JAML: variants seen among roughly 807,000 people sequenced by gnomAD.
JAML encodes the protein junctional adhesion molecule-like.
In JAML, 25 loss-of-function variants were observed where a neutral mutation model predicts 39.3. The observed-to-expected ratio is 0.64, with a 90% CI of 0.46 to 0.89. The LOEUF (loss-of-function observed/expected upper bound fraction) is 0.89, where lower values mean the gene tolerates loss of function less well. JAML is among the 40% of genes least tolerant of loss of function. The probability of loss-of-function intolerance (pLI) is 0.00; values close to 1 mark genes in which losing one functional copy is unlikely to be tolerated. For missense variants in JAML, 440 were observed against 486.9 expected (o/e 0.90, Z 0.91); for synonymous variants, 162 against 179.2 (o/e 0.90, Z 0.77).
At position 118,203,427 on chromosome 11, in the gene JAML, CT is replaced by C; in HGVS notation, c.772del (p.Thr258HisfsTer3). On this transcript the variant is annotated frameshift_variant and splice_region_variant, in exon 6 of 10. Transcript: ENST00000356289. LOFTEE classifies it high-confidence loss of function. ...VLHVSPEEPR[T>X]LVTPAALRPL... ...ATGCTCCCCAGCCAAATGTTAGATACTTCGAGGCTCTTCCGGGCTGACATGC... is the reference window on the plus strand; with the variant it reads ...ATGCTCCCCAGCCAAATGTTAGATACTCGAGGCTCTTCCGGGCTGACATGC... 6.2e-7 allele frequency: 1 copy of C among 1,613,630 alleles called. No homozygotes were observed. The highest frequency in any genetic ancestry group is 8.5e-7 in the Non-Finnish European group (1 of 1,179,612).
At chr11:118,196,880 G>A in intron 8 of JAML, 59 bp from the exon 9 acceptor site, 1 of 1,425,490 alleles carries the variant, frequency 7.0e-7, no homozygotes, top group Non-Finnish European at 9.9e-7. Flanking sequence ...ATACACCAGA[G>A]AAAAGGCCAC....
At chr11:118,198,174 C>A in intron 7 of JAML, 83 bp from the exon 8 acceptor site, 2 of 1,147,012 alleles carry the variant, frequency 1.7e-6, no homozygotes, top group African/African-American at 1.5e-5. Context: ...CTCTTGGCTT[C>A]GTGAAGAGAG....
chr11:118,218,009 C>G (rs1490747268), intron 1 of JAML, among the ~76,000 whole-genome samples: 2 of 152,264 alleles, frequency 1.3e-5, no homozygotes, highest in Non-Finnish European at 2.9e-5. Context: ...AACACCTGCT[C>G]CTCGCTCACA....
intron 1 of JAML, among the ~76,000 whole-genome samples, chr11:118,219,090 TG>T (rs1565485857): frequency 2.8e-5 from 2 of 70,986 alleles, no homozygotes; most frequent in Admixed American, 2.7e-4. Context: ...TAATAGTGTA[TG>T]GGGGGTTAAA....
intron 8 of JAML, 60 bp downstream of exon 8, chr11:118,197,938 G>T (rs757153127): frequency 6.8e-7 from 1 of 1,463,892 alleles, no homozygotes; most frequent in South Asian, 1.1e-5. Context: ...GGTTCCCGGG[G>T]GTATGAGAAC....
rs1336437009 is a variant in JAML, at chr11:118,224,951, G to A, written c.-31C>T. 6.6e-6 allele frequency: 1 copy of A among 152,154 alleles called. No homozygotes were observed. Among genetic ancestry groups the A allele is most frequent in the African/African-American group, 2.4e-5 (1 of 41,412 alleles). The allele number at this position is 152,154 out of a possible 1,614,324, so 9.4% of individuals were successfully genotyped here. A position where few individuals can be genotyped will look rare whatever the true frequency, so the allele number is the denominator to read the frequency against. On this transcript the variant is annotated 5_prime_UTR_variant, in exon 1 of 10. Transcript: ENST00000356289. ...AAAGCAACTGCTTACCCAAGATGAA[G>A]AGCACCCAGGGGAGGCAATGCACTG... is the stretch of plus-strand genomic sequence containing the variant.
rs949776394 is a variant in JAML, at chr11:118,205,712, T to C, written c.534+170A>G. 8 of 608,656 alleles carry C rather than the reference T, an allele frequency of 1.3e-5. No individual in the cohort carries two copies. The South Asian group carries it at 1.6e-4, about 12-fold the overall frequency. 37.7% of individuals were successfully genotyped at this position (608,656 alleles called of 1,614,324 possible). On this transcript the variant is annotated intron_variant, in intron 5 of 9. Transcript: ENST00000356289. ...ATCATCTTCTTGTTCTTGTTCTTCA[T>C]TGGAGTTATCTTTCCCACCAGAAAG...
Position 118,203,829 on chromosome 11 carries a change from A to T in JAML, c.535-164T>A, listed in dbSNP as rs1041903875. ...ATAACACAAAGTCATGTACACACAC[A>T]TGTGCATGCGTGTGTACTTGTGAAG... On this transcript the variant is annotated intron_variant, in intron 5 of 9. Coordinates refer to ENST00000356289, the MANE Select transcript of JAML (RefSeq NM_001098526.2). 4.1e-5 allele frequency: 26 copies of T among 631,674 alleles called. 1 individual carries two copies. In the Admixed American group the frequency reaches 6.4e-4, roughly 16 times the overall value. The allele number at this position is 631,674 out of a possible 1,614,324, so 39.1% of individuals were successfully genotyped here. A position where few individuals can be genotyped will look rare whatever the true frequency, so the allele number is the denominator to read the frequency against.
At position 118,198,010 on chromosome 11, in the gene JAML, T is replaced by C. The variant is rs1459456135; in HGVS notation, c.993A>G (p.Arg331=). 4 of 1,614,070 alleles carry C rather than the reference T, an allele frequency of 2.5e-6. No homozygotes were observed. The Admixed American group carries it at 5.0e-5, about 20-fold the overall frequency. Residue 331 remains arginine (R), a synonymous_variant, in exon 8 of 10, where the codon AGA becomes AGG. Transcript: ENST00000356289. ...AGCGTGTGTTCACCTCCCCTTCACA[T>C]CTTTCAAAATGGCAGGGTTTTTCTT... ...EIKEKPCHFE[R]CEGEKHIYSP... is the part of the protein sequence containing the mutation.
intron 5 of JAML, chr11:118,204,029 C>T: frequency 4.1e-6 from 1 of 244,730 alleles, no homozygotes; most frequent in South Asian, 5.1e-5. Context: ...CTGAACTCTT[C>T]ATCTTTCCCC....
intron 3 of JAML, among the ~76,000 whole-genome samples, chr11:118,211,003 T>C (rs1341663025): frequency 6.6e-6 from 1 of 152,246 alleles, no homozygotes; most frequent in Non-Finnish European, 1.5e-5. Context: ...GTTTTTAACT[T>C]ACAACTTTTG....
At chr11:118,215,751 T>TATGC (rs1949132013) in intron 1 of JAML, among the ~76,000 whole-genome samples, 1 of 152,122 alleles carries the variant, frequency 6.6e-6, no homozygotes, top group Admixed American at 6.5e-5. Flanking sequence ...ATGTGTTTGA[T>TATGC]ATGCATGTTA....
At chr11:118,206,975 A>G (rs1715426) in intron 4 of JAML, among the ~76,000 whole-genome samples, 120,254 of 151,672 alleles carry the variant, frequency 0.79, 48,128 homozygotes, top group African/African-American at 0.91. Context: ...CAAAGATCAC[A>G]AGGGAACAGA....
At chr11:118,213,063 C>G in intron 2 of JAML, 1 of 1,573,146 alleles carries the variant, frequency 6.4e-7, no homozygotes, top group East Asian at 2.3e-5. Context: ...AGGGCAGGTC[C>G]TTGTAATTAG....
intron 1 of JAML, among the ~76,000 whole-genome samples, chr11:118,216,368 C>CA (rs35141287): frequency 0.023 from 2,721 of 115,880 alleles, 27 homozygotes; most frequent in East Asian, 0.06. Context: ...GACTCTGTCT[C>CA]AAAAAAAAAA....
At position 118,205,935 on chromosome 11, in the gene JAML, C is replaced by A; in HGVS notation, c.481G>T (p.Glu161Ter). The change falls in exon 5 of 10, where the codon GAA (glutamate) becomes TAA (stop). Residue 161 changes from glutamate to a stop codon, truncating the protein, a stop_gained. Transcript: ENST00000356289. LOFTEE classifies it high-confidence loss of function. ...IQMGCVFQST[E>*]VKHVTKVEWI... ...TCTACCTTGGTCACGTGTTTCACTT[C>A]TGTGCTCTGGAAAACACATCCCATC... The A allele has an allele frequency of 6.2e-7, 1 of 1,614,174 alleles. No homozygotes were observed. The highest frequency in any genetic ancestry group is 8.5e-7 in the Non-Finnish European group (1 of 1,180,012).
In JAML at chr11:118,193,815, C is replaced by T. The variant is rs3741316; in HGVS notation, c.*510G>A. On this transcript the variant is annotated 3_prime_UTR_variant, in exon 10 of 10. Transcript: ENST00000356289. ...AAAACCAGCCTCTAGTGTGTTAGCA[C>T]GGTTTGGCTTTCCTCCAGGAACTTC... 1.4e-3 allele frequency: 232 copies of T among 167,642 alleles called. 7 individuals are homozygous for T. In the East Asian group the frequency reaches 0.03, roughly 21 times the overall value. The allele number at this position is 167,642 out of a possible 1,614,324, so 10.4% of individuals were successfully genotyped here. A position where few individuals can be genotyped will look rare whatever the true frequency, so the allele number is the denominator to read the frequency against.
intron 6 of JAML, chr11:118,202,370 A>G (rs1448997932): frequency 6.5e-6 from 1 of 153,414 alleles, no homozygotes; most frequent in Non-Finnish European, 1.5e-5. Context: ...GAGCTGGAGT[A>G]ATTAAGTAGT....
intron 1 of JAML, among the ~76,000 whole-genome samples, chr11:118,224,642 A>G (rs531425706): frequency 4.3e-4 from 65 of 152,334 alleles, no homozygotes; most frequent in African/African-American, 1.6e-3. Context: ...AGCTCCACCT[A>G]AACCCACGGG....
Sources: gnomAD v4.1 joint callset for allele counts (sites outside exome capture counted in the v4.1 genomes callset) on GRCh38, gnomAD v4.1.1 for gene constraint, MANE v1.5 for transcripts, NCBI Gene and HGNC (gene_info 2026-07-23, HGNC 2026-07-21) for gene names.